NAIF1: variants seen among roughly 807,000 people sequenced by gnomAD.
NAIF1 encodes the protein nuclear apoptosis inducing factor 1, also known as nuclear apoptosis-inducing factor 1.
NAIF1 carries 14 observed loss-of-function variants against 20.7 expected under a neutral mutation model. That is an observed-to-expected ratio of 0.67 (90% CI 0.45 to 1.05). The LOEUF (loss-of-function observed/expected upper bound fraction) is 1.05, where lower values mean the gene tolerates loss of function less well. Ranked by LOEUF, NAIF1 falls within the 50% of genes least tolerant of loss-of-function variation. The probability of loss-of-function intolerance (pLI) is 0.00; values close to 1 mark genes in which losing one functional copy is unlikely to be tolerated. For synonymous variants in NAIF1, 191 were observed against 191.4 expected (o/e 1.00, Z 0.02); for missense variants, 362 against 448.8 (o/e 0.81, Z 1.75).
At position 128,063,603 on chromosome 9, in the gene NAIF1, C is replaced by T. The variant is rs376436007; in HGVS notation, c.809G>A (p.Arg270His). 26 of 1,613,068 alleles carry T rather than the reference C, an allele frequency of 1.6e-5. No individual in the cohort carries two copies. The highest frequency in any genetic ancestry group is 2.2e-5 in the South Asian group (2 of 91,094). The part of the protein sequence containing the change: ...SQEVQACAQE[R>H]QAQAMEGTQA... ...TGTGCCCTCCATGGCCTGGGCCTGGCGCTCCTGGGCACAGGCCTGCACTTC... is the reference window on the plus strand; with the variant it reads ...TGTGCCCTCCATGGCCTGGGCCTGGTGCTCCTGGGCACAGGCCTGCACTTC... The change falls in exon 2 of 2, where the codon CGC becomes CAC. Residue 270 changes from arginine to histidine, a missense_variant. Arg to His is a conservative substitution (Grantham distance 29). Around this residue, in one of 3 missense-constraint regions of NAIF1, gnomAD observed 300 missense variants for 342.7 expected, o/e 0.88. Transcript: ENST00000373078. This position sits in a 1 kb window ranked among gnomAD's most constrained non-coding sequence, Gnocchi z 4.3.
Position 128,063,681 on chromosome 9 carries a change from G to A in NAIF1, c.731C>T (p.Ala244Val). The change falls in exon 2 of 2, where the codon GCA (alanine) becomes GTA (valine). Residue 244 changes from alanine to valine, a missense_variant. Transcript: ENST00000373078. This position sits in a 1 kb window ranked among gnomAD's most constrained non-coding sequence, Gnocchi z 4.3. Reference protein sequence around the residue: ...RVTNLHVKEIAQHLEQQNDLL... With the variant: ...RVTNLHVKEIVQHLEQQNDLL... ...GTCGTTCTGCTGTTCCAGGTGCTGT[G>A]CGATCTCCTTCACATGCAGGTTGGT... 6.2e-7 allele frequency: 1 copy of A among 1,614,228 alleles called. No homozygotes were observed.
chr9:128,066,553 C>A, intron 1 of NAIF1, 38 bp downstream of exon 1: 1 of 1,479,508 alleles, frequency 6.8e-7, no homozygotes, highest in South Asian at 1.5e-5. Flanking sequence ...TGGCCCTTCC[C>A]ACTTATGCAC....
In NAIF1 at chr9:128,067,004, T is replaced by G; in HGVS notation, c.98A>C (p.Asn33Thr). The G allele has an allele frequency of 6.2e-7, 1 of 1,613,886 alleles. No homozygotes were observed. The highest frequency in any genetic ancestry group is 8.5e-7 in the Non-Finnish European group (1 of 1,179,984). ...ELELKKHLLVNHFNAGVPLAA... is the reference protein window; with the variant it reads ...ELELKKHLLVTHFNAGVPLAA... ...CAGGGGTACCCCGGCGTTGAAGTGG[T>G]TCACCAGCAGGTGCTTCTTCAGCTC... The change falls in exon 1 of 2, where the codon AAC becomes ACC. Residue 33 changes from asparagine (N) to threonine (T), a missense_variant. Coordinates refer to ENST00000373078, the MANE Select transcript of NAIF1 (RefSeq NM_197956.4).
In NAIF1 at chr9:128,063,863, G is replaced by A. The variant is rs762699848; in HGVS notation, c.549C>T (p.Gly183=). 26 of 1,609,610 alleles carry A rather than the reference G, an allele frequency of 1.6e-5. No individual in the cohort carries two copies. The highest frequency in any genetic ancestry group is 8.8e-5 in the South Asian group (8 of 91,084). ...TETTYHTLEE[G]VVEYCTAEAP... Reference sequence around the variant, plus strand: ...CCTCAGCCGTGCAGTACTCCACCACGCCCTCCTCCAGCGTGTGATAGGTGG... The same window carrying A: ...CCTCAGCCGTGCAGTACTCCACCACACCCTCCTCCAGCGTGTGATAGGTGG... Residue 183 remains glycine (G), a synonymous_variant, in exon 2 of 2, where the codon GGC becomes GGT. Transcript: ENST00000373078. The surrounding 1 kb of genome is among the most constrained non-coding windows in gnomAD (Gnocchi z 4.3).
intron 1 of NAIF1, among the ~76,000 whole-genome samples, chr9:128,064,277 A>C (rs1490293309): frequency 1.3e-5 from 2 of 150,468 alleles, no homozygotes; most frequent in African/African-American, 4.9e-5. Flanking sequence ...TTTAGTAGAG[A>C]CGGGGTTTCA....
intron 1 of NAIF1, among the ~76,000 whole-genome samples, 178 bp from the exon 2 acceptor site, chr9:128,064,078 A>ATTTTTTT (rs869101033): frequency 9.5e-6 from 1 of 105,324 alleles, no homozygotes; most frequent in Non-Finnish European, 1.8e-5. Context: ...GGGGTTCAGA[A>ATTTTTTT]TTTTTTTTTT....
intron 1 of NAIF1, among the ~76,000 whole-genome samples, chr9:128,064,159 G>A (rs563776661): frequency 1.5e-5 from 2 of 132,212 alleles, no homozygotes; most frequent in South Asian, 2.4e-4. Context: ...CGCGATCTCC[G>A]CTCACTGCAA....
chr9:128,065,926 C>T (rs1832772171), intron 1 of NAIF1, among the ~76,000 whole-genome samples: 1 of 152,164 alleles, frequency 6.6e-6, no homozygotes, highest in Non-Finnish European at 1.5e-5. Flanking sequence ...AAGCCCCCTT[C>T]CTCTTCCGGG....
Position 128,064,327 on chromosome 9 carries a change from C to A in NAIF1, c.512-427G>T, listed in dbSNP as rs539474164. On this transcript the variant is annotated intron_variant, in intron 1 of 1. Transcript: ENST00000373078. Reference sequence around the variant, plus strand: ...TCCTGACCTCGTGATCCGCCCGCCTCGGCCTCCCAAAGTGCTGGGATTACA... The same window carrying A: ...TCCTGACCTCGTGATCCGCCCGCCTAGGCCTCCCAAAGTGCTGGGATTACA... Among the ~76,000 whole-genome samples, 8 of 151,954 alleles carry A rather than the reference C, an allele frequency of 5.3e-5. No homozygotes were observed. The South Asian group carries it at 1.7e-3, about 32-fold the overall frequency.
chr9:128,063,445 C>G lies in NAIF1; in HGVS notation c.967G>C (p.Asp323His). The change falls in exon 2 of 2, where the codon GAC becomes CAC. Residue 323 changes from aspartate to histidine, a missense_variant. By Grantham distance (81) the Asp-to-His change is moderately conservative. This residue lies in a region of NAIF1 where 300 missense variants were observed against 342.7 expected (regional missense o/e 0.88). Coordinates refer to ENST00000373078, the MANE Select transcript of NAIF1 (RefSeq NM_197956.4). The surrounding 1 kb of genome is among the most constrained non-coding windows in gnomAD (Gnocchi z 4.3). Reference protein sequence around the residue: ...PGQVAQNGQPDSIIQ With the variant: ...PGQVAQNGQPHSIIQ ...CCCTGCCCTCACTGGATGATGCTGT[C>G]TGGCTGCCCATTCTGGGCCACCTGC... is the stretch of plus-strand genomic sequence containing the variant. 1.2e-6 allele frequency: 2 copies of G among 1,608,082 alleles called. No individual in the cohort carries two copies. The highest frequency in any genetic ancestry group is 1.7e-6 in the Non-Finnish European group (2 of 1,179,676).
Position 128,061,990 on chromosome 9 carries a change from T to G in NAIF1, c.*1438A>C, listed in dbSNP as rs1395862505. ...CAAAGGGTCCCATTTGTTTTTTTGG[T>G]TTTTTCTTTGTTTTTTTTTTGAGAC... On this transcript the variant is annotated 3_prime_UTR_variant, in exon 2 of 2. Transcript: ENST00000373078. The G allele has an allele frequency of 6.6e-6, 1 of 152,050 alleles. No individual in the cohort carries two copies. The highest frequency in any genetic ancestry group is 1.5e-5 in the Non-Finnish European group (1 of 68,076). 9.4% of individuals were successfully genotyped at this position (152,050 alleles called of 1,614,324 possible).
At position 128,063,047 on chromosome 9, in the gene NAIF1, G is replaced by A. The variant is rs1003698187; in HGVS notation, c.*381C>T. 2.6e-5 allele frequency: 6 copies of A among 233,838 alleles called. No homozygotes were observed. The highest frequency in any genetic ancestry group is 1.0e-4 in the Admixed American group (2 of 20,004). The allele number at this position is 233,838 out of a possible 1,614,324, so 14.5% of individuals were successfully genotyped here. On this transcript the variant is annotated 3_prime_UTR_variant, in exon 2 of 2. Coordinates refer to ENST00000373078, the MANE Select transcript of NAIF1 (RefSeq NM_197956.4). The surrounding 1 kb of genome is among the most constrained non-coding windows in gnomAD (Gnocchi z 4.3). ...CTCGAAAGGATGGCACCTGGGGTTG[G>A]GCAGCTCAGTAGAGACCCAGGCTGG...
At chr9:128,066,553 C>T (rs1029613862) in intron 1 of NAIF1, 38 bp downstream of exon 1, 2 of 1,479,390 alleles carry the variant, frequency 1.4e-6, no homozygotes, top group African/African-American at 2.8e-5. Flanking sequence ...TGGCCCTTCC[C>T]ACTTATGCAC....
Position 128,063,228 on chromosome 9 carries a change from G to T in NAIF1, c.*200C>A. ...CAATCTTCTGGATCTTAGCAAGGCA[G>T]CTCAAGTAGGGGGAGTATGAGTTTG... is the stretch of plus-strand genomic sequence containing the variant. On this transcript the variant is annotated 3_prime_UTR_variant, in exon 2 of 2. Coordinates refer to ENST00000373078, the MANE Select transcript of NAIF1 (RefSeq NM_197956.4). The surrounding 1 kb of genome is among the most constrained non-coding windows in gnomAD (Gnocchi z 4.3). 3 of 596,742 alleles carry T rather than the reference G, an allele frequency of 5.0e-6. No homozygotes were observed. Among genetic ancestry groups the T allele is most frequent in the Non-Finnish European group, 8.9e-6 (3 of 337,214 alleles). 37.0% of individuals were successfully genotyped at this position (596,742 alleles called of 1,614,324 possible).
chr9:128,064,951 C>G (rs1832761295), intron 1 of NAIF1, among the ~76,000 whole-genome samples: 2 of 149,828 alleles, frequency 1.3e-5, no homozygotes, highest in African/African-American at 4.9e-5. Flanking sequence ...GCCTGGGCAA[C>G]AAGAGCAAAA....
intron 1 of NAIF1, among the ~76,000 whole-genome samples, chr9:128,065,387 G>A (rs1197764017): frequency 6.6e-6 from 1 of 152,124 alleles, no homozygotes; most frequent in Non-Finnish European, 1.5e-5. Flanking sequence ...AAAGTGCTGG[G>A]ATTACAGGAG....
intron 1 of NAIF1, 80 bp downstream of exon 1, chr9:128,066,511 G>C (rs1832781137): frequency 1.4e-6 from 2 of 1,433,610 alleles, no homozygotes; most frequent in Non-Finnish European, 1.8e-6. Flanking sequence ...ACCCTTGGCA[G>C]CCAACCTTCC....
intron 1 of NAIF1, 138 bp from the exon 2 acceptor site, chr9:128,064,038 T>A (rs376326820): frequency 6.3e-6 from 4 of 634,218 alleles, no homozygotes; most frequent in African/African-American, 5.5e-5. Flanking sequence ...CCTGGCTGCA[T>A]AGCTATTCAC....
Position 128,067,046 on chromosome 9 carries a change from A to G in NAIF1, c.56T>C (p.Ile19Thr). 1 of 1,613,172 alleles carries G rather than the reference A, an allele frequency of 6.2e-7. No homozygotes were observed. The highest frequency in any genetic ancestry group is 8.5e-7 in the Non-Finnish European group (1 of 1,179,380). ...KMNFSEREVE[I>T]IVEELELKKH... ...CTTCAGCTCCAGCTCCTCCACGATG[A>G]TCTCCACCTCCCGCTCTGAGAAGTT... Residue 19 changes from isoleucine to threonine, a missense_variant, in exon 1 of 2, where the codon ATC (isoleucine) becomes ACC (threonine). Physicochemically the swap from Ile to Thr is moderately conservative, Grantham distance 89. Coordinates refer to ENST00000373078, the MANE Select transcript of NAIF1 (RefSeq NM_197956.4).
Sources: gnomAD v4.1 joint callset for allele counts (sites outside exome capture counted in the v4.1 genomes callset) on GRCh38, gnomAD v4.1.1 for gene constraint, gnomAD v4.1.1 regional missense constraint, Gnocchi (gnomAD v3.1) non-coding constraint, MANE v1.5 for transcripts, NCBI Gene and HGNC (gene_info 2026-07-23, HGNC 2026-07-21) for gene names.